The following MVD variants were observed in gnomAD, a reference collection of about 807,000 sequenced individuals.
MVD encodes mevalonate diphosphate decarboxylase.
Under a neutral mutation model 42.4 loss-of-function variants are expected in MVD, and 52 were observed. The observed-to-expected ratio is 1.23, with a 90% CI of 0.98 to 1.55. MVD has a LOEUF of 1.55. Among genes scored for constraint, MVD ranks in the 40% most tolerant of loss-of-function variants. MVD has a pLI of 0.00. For missense variants in MVD, 663 were observed against 572.1 expected (o/e 1.16, Z -1.62); for synonymous variants, 287 against 243.2 (o/e 1.18, Z -1.68).
At chr16:88,655,854 G>A (rs1907888204) in intron 5 of MVD, 124 bp from the exon 6 acceptor site, 1 of 1,242,378 alleles carries the variant, frequency 8.0e-7, no homozygotes, top group Non-Finnish European at 1.1e-6. Context: ...AGTGCCACCT[G>A]CCTGACCACA....
chr16:88,656,043 A>G, intron 5 of MVD, 62 bp downstream of exon 5: 2 of 1,500,366 alleles, frequency 1.3e-6, no homozygotes, highest in Non-Finnish European at 1.8e-6. Flanking sequence ...TGCTCCCGGC[A>G]GCAGCCCTGA....
intron 2 of MVD, 93 bp from the exon 3 acceptor site, chr16:88,658,122 C>T (rs1189062632): frequency 7.7e-7 from 1 of 1,302,276 alleles, no homozygotes; most frequent in South Asian, 1.2e-5. Context: ...TCATGGCTGC[C>T]CACTCGAGCA....
chr16:88,658,057 G>A, intron 2 of MVD, 28 bp from the exon 3 acceptor site: 1 of 1,606,882 alleles, frequency 6.2e-7, no homozygotes, highest in Non-Finnish European at 8.5e-7. Flanking sequence ...GGCCACCTCA[G>A]AGGCCAGCAT....
At chr16:88,652,835 G>T (rs535132840) in intron 9 of MVD, among the ~76,000 whole-genome samples, 119 of 152,308 alleles carry the variant, frequency 7.8e-4, no homozygotes, top group Non-Finnish European at 9.7e-4. Flanking sequence ...GTCACAGGGG[G>T]GACAGAGAAC....
intron 1 of MVD, chr16:88,662,584 G>T: frequency 1.1e-6 from 1 of 908,780 alleles, no homozygotes. Context: ...ACAGGGTCTC[G>T]GGCTGGGGGA....
intron 1 of MVD, among the ~76,000 whole-genome samples, chr16:88,660,340 A>G (rs760204836): frequency 2.7e-4 from 41 of 152,198 alleles, no homozygotes; most frequent in Non-Finnish European, 5.1e-4. Context: ...GAAAATGGAC[A>G]CGTTTCCATA....
chr16:88,654,898 C>T, intron 7 of MVD, 91 bp from the exon 8 acceptor site: 1 of 1,285,552 alleles, frequency 7.8e-7, no homozygotes, highest in South Asian at 1.5e-5. Context: ...CTTGGGCTCT[C>T]CAAGAGCTCA....
At chr16:88,662,540 G>A (rs577280649) in intron 1 of MVD, among the ~76,000 whole-genome samples, 52 of 152,332 alleles carry the variant, frequency 3.4e-4, no homozygotes, top group African/African-American at 1.1e-3. Context: ...CTCCTTGGAG[G>A]TTACCGCTGG....
chr16:88,653,491 TG>T (rs1292300441), intron 8 of MVD, 83 bp from the exon 9 acceptor site: 2 of 1,173,712 alleles, frequency 1.7e-6, no homozygotes, highest in Non-Finnish European at 2.4e-6. Flanking sequence ...AGTCCAGAGA[TG>T]GGAAGTGCAT....
chr16:88,662,645 C>T, intron 1 of MVD: 1 of 1,246,446 alleles, frequency 8.0e-7, no homozygotes, highest in Non-Finnish European at 1.0e-6. Context: ...GGGCTCTGGC[C>T]ATCCTCCCGC....
rs774981924 is a variant in MVD at position 88,656,168 on chromosome 16, G to A, written c.540C>T (p.Asp180=). The A allele has an allele frequency of 1.9e-6, 3 of 1,601,894 alleles. No individual in the cohort carries two copies. The highest frequency in any genetic ancestry group is 2.7e-5 in the African/African-American group (2 of 74,910). ...WQMGEQADGK[D]SIARQVAPES... ...CGGGGGCCACTTGCCGAGCGATGCTGTCCTTCCCGTCGGCCTGCTCTCCCA... is the reference window on the plus strand; with the variant it reads ...CGGGGGCCACTTGCCGAGCGATGCTATCCTTCCCGTCGGCCTGCTCTCCCA... Residue 180 remains aspartate (D), a synonymous_variant, in exon 5 of 10, where the codon GAC becomes GAT. Transcript: ENST00000301012.
Position 88,657,966 on chromosome 16 carries a change from C to A in MVD, c.205G>T (p.Gly69Cys). 1 of 1,613,996 alleles carries A rather than the reference C, an allele frequency of 6.2e-7. No individual in the cohort carries two copies. Among genetic ancestry groups the A allele is most frequent in the Non-Finnish European group, 8.5e-7 (1 of 1,180,032 alleles). Residue 69 changes from glycine (G) to cysteine (C), a missense_variant, in exon 3 of 10, where the codon GGC (glycine) becomes TGC (cysteine). Transcript: ENST00000301012. ...DFTEDRIWLNGREEDVGQPRL... is the reference protein window; with the variant it reads ...DFTEDRIWLNCREEDVGQPRL... ...GGCTGCCCCACATCCTCCTCCCGGCCATTCAGCCAAATCCGGTCCTCGGTG... is the reference window on the plus strand; with the variant it reads ...GGCTGCCCCACATCCTCCTCCCGGCAATTCAGCCAAATCCGGTCCTCGGTG...
chr16:88,654,615 C>T, intron 8 of MVD, 77 bp downstream of exon 8: 1 of 1,430,110 alleles, frequency 7.0e-7, no homozygotes, highest in Non-Finnish European at 9.5e-7. Context: ...CCACAGCCTT[C>T]AGGTGCCTCC....
Position 88,652,308 on chromosome 16 carries a change from G to A in MVD, c.*217C>T, listed in dbSNP as rs927142269. 121 of 614,716 alleles carry A rather than the reference G, an allele frequency of 2.0e-4. No homozygotes were observed. The highest frequency in any genetic ancestry group is 7.3e-5 in the Non-Finnish European group (25 of 342,140). The allele number at this position is 614,716 out of a possible 1,614,324, so 38.1% of individuals were successfully genotyped here. Reference sequence around the variant, plus strand: ...CCCCATCCCATCTTGGCAAAGCGCTGGTGCAGCTTAGGGCAGCTGAAGCAC... The same window carrying A: ...CCCCATCCCATCTTGGCAAAGCGCTAGTGCAGCTTAGGGCAGCTGAAGCAC... On this transcript the variant is annotated 3_prime_UTR_variant, in exon 10 of 10. Coordinates refer to ENST00000301012, the MANE Select transcript of MVD (RefSeq NM_002461.3).
Position 88,655,862 on chromosome 16 carries a change from A to C in MVD, c.604-132T>G, listed in dbSNP as rs139058118. On this transcript the variant is annotated intron_variant, in intron 5 of 9. Transcript: ENST00000301012. ...GGGAGTCAGTGCCACCTGCCTGACCACAGAGGCCTCCCGGCCACAGCAGGG... is the reference window on the plus strand; with the variant it reads ...GGGAGTCAGTGCCACCTGCCTGACCCCAGAGGCCTCCCGGCCACAGCAGGG... The C allele has an allele frequency of 8.6e-4, 1,026 of 1,198,534 alleles. 1 individual carries two copies. The highest frequency in any genetic ancestry group is 1.1e-3 in the Non-Finnish European group (941 of 860,522). The allele number at this position is 1,198,534 out of a possible 1,614,324, so 74.2% of individuals were successfully genotyped here.
intron 1 of MVD, chr16:88,659,050 A>C: frequency 2.6e-5 from 9 of 342,550 alleles, no homozygotes; most frequent in East Asian, 6.7e-5. Context: ...TTCCCAAACA[A>C]AAGGAGCCCA....
At chr16:88,660,651 A>AC (rs1567618255) in intron 1 of MVD, 1 of 151,570 alleles carries the variant, frequency 6.6e-6, no homozygotes, top group African/African-American at 2.4e-5. Flanking sequence ...TCTCAAAAAA[A>AC]TAAATATAAA....
At position 88,655,304 on chromosome 16, in the gene MVD, G is replaced by A. The variant is rs778313985; in HGVS notation, c.792C>T (p.His264=). 103 of 1,595,812 alleles carry A rather than the reference G, an allele frequency of 6.5e-5. 1 individual carries two copies. Among genetic ancestry groups the A allele is most frequent in the Non-Finnish European group, 3.3e-5 (39 of 1,171,576 alleles). The change falls in exon 7 of 10, where the codon CAC becomes CAT. Residue 264 remains histidine, a synonymous_variant. Transcript: ENST00000301012. ...QLTMKDSNQF[H]ATCLDTFPPI... is the part of the protein sequence containing the mutation. The stretch of plus-strand genomic sequence containing the variant: ...GCGGGAAGGTGTCGAGGCAGGTGGC[G>A]TGGAACTGGTTGCTGTCCTTCATGG...
At chr16:88,660,694 AAAAT>A (rs1908235974) in intron 1 of MVD, 1 of 149,906 alleles carries the variant, frequency 6.7e-6, no homozygotes, top group Non-Finnish European at 1.5e-5. Context: ...ATATAAATAT[AAAAT>A]AAATAAATAT....
Sources: gnomAD v4.1 joint callset for allele counts (sites outside exome capture counted in the v4.1 genomes callset) on GRCh38, gnomAD v4.1.1 for gene constraint, MANE v1.5 for transcripts, NCBI Gene and HGNC (gene_info 2026-07-23, HGNC 2026-07-21) for gene names.